LRRC9: variants seen among roughly 807,000 people sequenced by gnomAD.
LRRC9 encodes the protein leucine rich repeat containing 9.
Under a neutral mutation model 63.2 loss-of-function variants are expected in LRRC9, and 122 were observed. The ratio of observed to expected loss-of-function variants is 1.93; its 90% CI spans 1.67 to 2.24. LRRC9 has a LOEUF of 2.24. LRRC9 is among the 30% of genes most tolerant of loss of function. The probability of loss-of-function intolerance (pLI) is 0.00; values close to 1 mark genes in which losing one functional copy is unlikely to be tolerated. For missense variants in LRRC9, 1,071 were observed against 627.7 expected, an observed-to-expected ratio of 1.71 and a Z score of -7.55; for synonymous variants, 366 against 213.1, an observed-to-expected ratio of 1.72 and a Z score of -6.25.
chr14:60,000,251 A>G (rs1171914581), intron 19 of LRRC9, among the ~76,000 whole-genome samples: 1 of 152,142 alleles, frequency 6.6e-6, no homozygotes, highest in Non-Finnish European at 1.5e-5. Context: ...TTGGGTACAC[A>G]TGGACATAAA....
At chr14:59,969,193 C>T (rs974078003) in intron 12 of LRRC9, 3 of 152,140 alleles carry the variant, frequency 2.0e-5, no homozygotes, top group African/African-American at 7.2e-5. Context: ...TTGTCTGAAA[C>T]ATTTGACACT....
At chr14:59,996,794 A>G (rs1339388370) in intron 17 of LRRC9, among the ~76,000 whole-genome samples, 1 of 152,196 alleles carries the variant, frequency 6.6e-6, no homozygotes, top group Non-Finnish European at 1.5e-5. Flanking sequence ...AACAATACAG[A>G]AAGTCTAAGA....
rs1441940807 is a variant in LRRC9, at chr14:59,978,056, G to A, written c.1802G>A (p.Arg601Gln). 3.0e-5 allele frequency: 21 copies of A among 701,900 alleles called. No homozygotes were observed. The East Asian group carries it at 3.8e-4, about 13-fold the overall frequency. 43.5% of individuals were successfully genotyped at this position (701,900 alleles called of 1,614,324 possible). ...CAAAGAAACTGTGATTGCAGTGTTC[G>A]GCAGTGCAAGTGGTTTGTCTTTGAT... Residue 601 changes from arginine to glutamine, a missense_variant, in exon 15 of 32, where the codon CGG becomes CAG. Transcript: ENST00000445360.
At position 59,999,094 on chromosome 14, in the gene LRRC9, TCCCAAGCC is replaced by T; in HGVS notation, c.2404-6_2405del. 1.5e-6 allele frequency: 1 copy of T among 648,454 alleles called. No individual in the cohort carries two copies. The highest frequency in any genetic ancestry group is 1.8e-5 in the South Asian group (1 of 56,022). 40.2% of individuals were successfully genotyped at this position (648,454 alleles called of 1,614,324 possible). A position where few individuals can be genotyped will look rare whatever the true frequency, so the allele number is the denominator to read the frequency against. On this transcript the variant is annotated splice_acceptor_variant and splice_polypyrimidine_tract_variant and coding_sequence_variant and intron_variant, in exon 19 of 32. Transcript: ENST00000445360. LOFTEE classifies it high-confidence loss of function. ...TTATAAAAAATTTTTTTTTTGTTTT[TCCCAAGCC>T]AGCCACATTGAGGCTGAGTGTTATT...
rs1893857684 is a variant in LRRC9 at position 60,051,152 on chromosome 14, G to T, written c.3991-1913G>T. On this transcript the variant is annotated intron_variant, in intron 29 of 31. Coordinates refer to ENST00000445360, the Ensembl canonical transcript of LRRC9. The surrounding 1 kb of genome is among the most constrained non-coding windows in gnomAD (Gnocchi z 4.7). ...GACTCTTCCTAGTCCGGACCTCCTG[G>T]ACTCTCCAGAGCCAGCAGGCTGGAA... 6.6e-6 allele frequency among the ~76,000 whole-genome samples: 1 copy of T among 152,162 alleles called. No individual in the cohort carries two copies. Among genetic ancestry groups the T allele is most frequent in the African/African-American group, 2.4e-5 (1 of 41,424 alleles).
At chr14:59,981,777 C>A in intron 15 of LRRC9, 71 bp from the exon 16 acceptor site, 1 of 634,954 alleles carries the variant, frequency 1.6e-6, no homozygotes, top group Non-Finnish European at 2.8e-6. Flanking sequence ...ATCTTTTCTA[C>A]ATAGCTTGTT....
chr14:60,013,075 C>T, intron 23 of LRRC9, among the ~76,000 whole-genome samples: 1 of 151,158 alleles, frequency 6.6e-6, no homozygotes, highest in African/African-American at 2.4e-5. Flanking sequence ...CGTCATTTAG[C>T]ATTAGGTATA....
chr14:59,938,770 C>T lies in LRRC9; in HGVS notation c.726+198C>T, dbSNP rs1881323250. On this transcript the variant is annotated intron_variant, in intron 7 of 31. Transcript: ENST00000445360. The surrounding 1 kb of genome is among the most constrained non-coding windows in gnomAD (Gnocchi z 4.2). ...AATACTAGAATCTTAATTTTGATGA[C>T]AGTACTGGAAGGTGAAATAATAGAA... 6.7e-6 allele frequency among the ~76,000 whole-genome samples: 1 copy of T among 150,350 alleles called. No individual in the cohort carries two copies. Among genetic ancestry groups the T allele is most frequent in the South Asian group, 2.1e-4 (1 of 4,782 alleles).
At position 59,981,794 on chromosome 14, in the gene LRRC9, T is replaced by A. The variant is rs1336308906; in HGVS notation, c.1879-54T>A. On this transcript the variant is annotated intron_variant, in intron 15 of 31. Coordinates refer to ENST00000445360, the Ensembl canonical transcript of LRRC9. ...CTTTTCTACATAGCTTGTTTGTTTT[T>A]CAAAATGATAAATACAGCAACTGAT... The A allele has an allele frequency of 9.3e-6, 6 of 647,954 alleles. No individual in the cohort carries two copies. In the East Asian group the frequency reaches 1.6e-4, roughly 18 times the overall value. 40.1% of individuals were successfully genotyped at this position (647,954 alleles called of 1,614,324 possible).
In LRRC9 at chr14:59,928,443, G is replaced by GT. The variant is rs1470113737; in HGVS notation, c.227dup (p.Leu76PhefsTer4). ...AAAGAAATTTCAGGGTTAGAGCCTT[G>GT]TTTACAACTTAAAGAACTTTGGATT... On this transcript the variant is annotated frameshift_variant, in exon 3 of 32. Coordinates refer to ENST00000445360, the Ensembl canonical transcript of LRRC9. LOFTEE classifies it high-confidence loss of function. The GT allele has an allele frequency of 2.9e-6, 2 of 694,936 alleles. No individual in the cohort carries two copies. Among genetic ancestry groups the GT allele is most frequent in the African/African-American group, 3.5e-5 (2 of 56,800 alleles). The allele number at this position is 694,936 out of a possible 1,614,324, so 43.0% of individuals were successfully genotyped here.
chr14:60,060,433 T>C lies in LRRC9; in HGVS notation c.4276+2411T>C, dbSNP rs906777575. Among the ~76,000 whole-genome samples the C allele has an allele frequency of 6.6e-6, 1 of 152,148 alleles. No homozygotes were observed. Among genetic ancestry groups the C allele is most frequent in the Non-Finnish European group, 1.5e-5 (1 of 68,014 alleles). Reference sequence around the variant, plus strand: ...ATTTAAGAAATATATTTTGTAAGGCTCTAACTACCATAGACAGTGATTCCT... The same window carrying C: ...ATTTAAGAAATATATTTTGTAAGGCCCTAACTACCATAGACAGTGATTCCT... On this transcript the variant is annotated intron_variant, in intron 31 of 31. Coordinates refer to ENST00000445360, the Ensembl canonical transcript of LRRC9. This position sits in a 1 kb window ranked among gnomAD's most constrained non-coding sequence, Gnocchi z 4.0.
chr14:60,066,365 AGGCTCTT>A, downstream of LRRC9, among the ~76,000 whole-genome samples: 1 of 152,222 alleles, frequency 6.6e-6, no homozygotes, highest in South Asian at 2.1e-4. Context: ...GTCATGCTCT[AGGCTCTT>A]GGCTTCAATT....
intron 16 of LRRC9, 31 bp downstream of exon 16, chr14:59,982,091 C>T (rs780815941): frequency 1.5e-6 from 1 of 667,678 alleles, no homozygotes; most frequent in East Asian, 2.7e-5. Context: ...AGCTTTGAGA[C>T]AGGAATCTTG....
chr14:59,958,917 G>C lies in LRRC9; in HGVS notation c.883-901G>C, dbSNP rs202081854. The stretch of plus-strand genomic sequence containing the variant: ...TGATGTGACACCCCACCCTGCTTCT[G>C]CTCACCCTCTGTGGGTTGGACCCAC... On this transcript the variant is annotated intron_variant, in intron 8 of 31. Transcript: ENST00000445360. This position sits in a 1 kb window ranked among gnomAD's most constrained non-coding sequence, Gnocchi z 4.0. Among the ~76,000 whole-genome samples the C allele has an allele frequency of 3.3e-5, 5 of 152,168 alleles. No individual in the cohort carries two copies. In the East Asian group the frequency reaches 7.7e-4, roughly 23 times the overall value.
At position 60,053,235 on chromosome 14, in the gene LRRC9, T is replaced by C. The variant is rs1415052003; in HGVS notation, c.4131+30T>C. 1.5e-6 allele frequency: 1 copy of C among 685,734 alleles called. No individual in the cohort carries two copies. The highest frequency in any genetic ancestry group is 1.6e-5 in the South Asian group (1 of 64,268). The allele number at this position is 685,734 out of a possible 1,614,324, so 42.5% of individuals were successfully genotyped here. A position where few individuals can be genotyped will look rare whatever the true frequency, so the allele number is the denominator to read the frequency against. The stretch of plus-strand genomic sequence containing the variant: ...TAATTATATTATTTACAATTTTCCT[T>C]TTGAAGCACATTAATGGTTAGTAAA... On this transcript the variant is annotated intron_variant, in intron 30 of 31. Coordinates refer to ENST00000445360, the Ensembl canonical transcript of LRRC9. This position sits in a 1 kb window ranked among gnomAD's most constrained non-coding sequence, Gnocchi z 4.8.
chr14:60,056,286 C>G (rs1054572926), intron 30 of LRRC9, among the ~76,000 whole-genome samples: 1 of 152,092 alleles, frequency 6.6e-6, no homozygotes, highest in Non-Finnish European at 1.5e-5. Context: ...ATGAAAATTA[C>G]CATATTAAAA....
intron 7 of LRRC9, among the ~76,000 whole-genome samples, chr14:59,939,581 A>C (rs1490243871): frequency 6.6e-6 from 1 of 152,020 alleles, no homozygotes; most frequent in Non-Finnish European, 1.5e-5. Context: ...GTTCATAGAG[A>C]AAGTGGTAAG....
At chr14:59,985,084 G>A in intron 16 of LRRC9, 21 bp from the exon 17 acceptor site, 2 of 634,024 alleles carry the variant, frequency 3.2e-6, no homozygotes, top group South Asian at 1.8e-5. Context: ...ATTTTTTAAT[G>A]TATATTTTAT....
At chr14:59,998,607 T>C (rs1297227621) in intron 18 of LRRC9, among the ~76,000 whole-genome samples, 1 of 152,104 alleles carries the variant, frequency 6.6e-6, no homozygotes, top group Non-Finnish European at 1.5e-5. Context: ...GTAGGTTCTA[T>C]TAAATTGACC....
Sources: gnomAD v4.1 joint callset for allele counts (sites outside exome capture counted in the v4.1 genomes callset) on GRCh38, gnomAD v4.1.1 for gene constraint, Gnocchi (gnomAD v3.1) non-coding constraint, MANE v1.5 for transcripts, NCBI Gene and HGNC (gene_info 2026-07-23, HGNC 2026-07-21) for gene names.